Variants in CAMK1D observed in about 807,000 individuals in gnomAD.
The protein encoded by CAMK1D is calcium/calmodulin-dependent protein kinase type 1D.
CAMK1D carries 9 observed loss-of-function variants against 47.7 expected under a neutral mutation model. That is an observed-to-expected ratio of 0.19 (90% CI 0.11 to 0.33). The LOEUF is 0.33. Among genes scored for constraint, CAMK1D ranks in the 10% least tolerant of loss-of-function variants. The pLI, the probability that CAMK1D is intolerant of heterozygous loss-of-function variation, is 1.00. For missense variants in CAMK1D, 291 were observed against 488.7 expected (o/e 0.60, Z 3.81); for synonymous variants, 184 against 184.9 (o/e 0.99, Z 0.04).
chr10:12,614,592 T>G (rs536953790), intron 2 of CAMK1D, among the ~76,000 whole-genome samples: 1 of 152,234 alleles, frequency 6.6e-6, no homozygotes, highest in East Asian at 1.9e-4. Flanking sequence ...GAGGGAAATT[T>G]TGATGACTGT....
At chr10:12,600,805 G>A (rs1336350803) in intron 2 of CAMK1D, among the ~76,000 whole-genome samples, 3 of 152,068 alleles carry the variant, frequency 2.0e-5, no homozygotes, top group Non-Finnish European at 2.9e-5. Context: ...AGCCTCTAAC[G>A]TGTGTTACTC....
At chr10:12,534,255 G>A (rs1285539779) in intron 1 of CAMK1D, among the ~76,000 whole-genome samples, 3 of 152,184 alleles carry the variant, frequency 2.0e-5, no homozygotes, top group African/African-American at 7.2e-5. Context: ...TGTCACCCAG[G>A]TTGGAGTGCA....
chr10:12,476,062 G>C (rs908456011), intron 1 of CAMK1D, among the ~76,000 whole-genome samples: 1 of 152,044 alleles, frequency 6.6e-6, no homozygotes, highest in African/African-American at 2.4e-5. Context: ...GGAGGCCGAG[G>C]GGGGGCGGAT....
At position 12,420,378 on chromosome 10, in the gene CAMK1D, A is replaced by G. The variant is rs369202705; in HGVS notation, c.92+70468A>G. On this transcript the variant is annotated intron_variant, in intron 1 of 10. Coordinates refer to ENST00000619168, the MANE Select transcript of CAMK1D (RefSeq NM_153498.4). ...GTCCACTTCAAATGAATGAACTTTAATGATTTTACTTTAATAGTTCTTACT... is the reference window on the plus strand; with the variant it reads ...GTCCACTTCAAATGAATGAACTTTAGTGATTTTACTTTAATAGTTCTTACT... Among the ~76,000 whole-genome samples the G allele has an allele frequency of 1.6e-4, 25 of 152,330 alleles. No individual in the cohort carries two copies. In the South Asian group the frequency reaches 3.5e-3, roughly 21 times the overall value.
chr10:12,708,370 G>A (rs910702298), intron 3 of CAMK1D, among the ~76,000 whole-genome samples: 4 of 152,276 alleles, frequency 2.6e-5, no homozygotes, highest in South Asian at 2.1e-4. Context: ...AGGAAGCGCC[G>A]TAACTCCATC....
chr10:12,727,215 C>A (rs1834685730), intron 3 of CAMK1D, among the ~76,000 whole-genome samples: 1 of 152,206 alleles, frequency 6.6e-6, no homozygotes, highest in South Asian at 2.1e-4. Flanking sequence ...CTACAACTTA[C>A]AGGCTTCTGA....
intron 2 of CAMK1D, among the ~76,000 whole-genome samples, chr10:12,556,519 A>T (rs1195719974): frequency 6.6e-6 from 1 of 152,132 alleles, no homozygotes; most frequent in African/African-American, 2.4e-5. Flanking sequence ...GGGCCTGGAC[A>T]ATGAGCATAG....
chr10:12,674,861 G>A (rs1840751938), intron 3 of CAMK1D, among the ~76,000 whole-genome samples: 2 of 151,378 alleles, frequency 1.3e-5, no homozygotes, highest in Non-Finnish European at 2.9e-5. Context: ...GTGAAACCCC[G>A]TCTCTACTAA....
chr10:12,582,807 C>A (rs1180094431), intron 2 of CAMK1D, among the ~76,000 whole-genome samples: 1 of 152,160 alleles, frequency 6.6e-6, no homozygotes, highest in Non-Finnish European at 1.5e-5. Flanking sequence ...TAATCCATCT[C>A]TTTTACTTTT....
At chr10:12,573,880 TA>T (rs1182954812) in intron 2 of CAMK1D, among the ~76,000 whole-genome samples, 1 of 130,770 alleles carries the variant, frequency 7.6e-6, no homozygotes, top group East Asian at 2.7e-4. Context: ...CTCACTCTGC[TA>T]CCCAGATTGG....
At chr10:12,803,681 T>C (rs549088871) in intron 6 of CAMK1D, among the ~76,000 whole-genome samples, 2 of 151,974 alleles carry the variant, frequency 1.3e-5, no homozygotes, top group Admixed American at 6.6e-5. Context: ...ATAATAACTA[T>C]GTGTGTGTGT....
intron 6 of CAMK1D, among the ~76,000 whole-genome samples, chr10:12,799,882 G>A (rs979495763): frequency 6.6e-5 from 10 of 151,986 alleles, no homozygotes; most frequent in Non-Finnish European, 2.9e-5. Flanking sequence ...CCTCCTCCCC[G>A]CCAGTGTTCA....
At chr10:12,693,383 T>G (rs770835938) in intron 3 of CAMK1D, among the ~76,000 whole-genome samples, 1 of 151,518 alleles carries the variant, frequency 6.6e-6, no homozygotes, top group African/African-American at 2.4e-5. Context: ...GAACAAAGAC[T>G]GAGGTTTTCC....
intron 1 of CAMK1D, among the ~76,000 whole-genome samples, chr10:12,475,718 C>T (rs1251680929): frequency 6.6e-6 from 1 of 152,150 alleles, no homozygotes; most frequent in African/African-American, 2.4e-5. Context: ...TTGCTTCCTT[C>T]TCCCCTTTTT....
intron 3 of CAMK1D, among the ~76,000 whole-genome samples, chr10:12,736,680 T>G (rs1835204359): frequency 6.7e-6 from 1 of 148,500 alleles, no homozygotes; most frequent in Admixed American, 6.9e-5. Context: ...CACGATGTGC[T>G]TCCAAACTTT....
At chr10:12,761,796 G>A (rs1329195091) in intron 4 of CAMK1D, among the ~76,000 whole-genome samples, 1 of 152,210 alleles carries the variant, frequency 6.6e-6, no homozygotes, top group Non-Finnish European at 1.5e-5. Flanking sequence ...CGAGGCAGGA[G>A]AATCGTTTGA....
chr10:12,358,288 A>C (rs1254584414), intron 1 of CAMK1D, among the ~76,000 whole-genome samples: 1 of 152,218 alleles, frequency 6.6e-6, no homozygotes, highest in East Asian at 1.9e-4. Context: ...CTGTAATCAT[A>C]GCACTTTGGG....
intron 3 of CAMK1D, among the ~76,000 whole-genome samples, chr10:12,733,940 C>G (rs1247976952): frequency 1.3e-5 from 2 of 152,060 alleles, no homozygotes. Context: ...GAGATGATCA[C>G]ATCATAAGTG....
chr10:12,474,550 T>G (rs889310256), intron 1 of CAMK1D, among the ~76,000 whole-genome samples: 1 of 151,718 alleles, frequency 6.6e-6, no homozygotes, highest in East Asian at 1.9e-4. Context: ...TAACATAAAC[T>G]TTACCATTTT....
Sources: gnomAD v4.1 joint callset for allele counts (sites outside exome capture counted in the v4.1 genomes callset) on GRCh38, gnomAD v4.1.1 for gene constraint, MANE v1.5 for transcripts, NCBI Gene and HGNC (gene_info 2026-07-23, HGNC 2026-07-21) for gene names.